The following CYP4X1 variants were observed in gnomAD, a reference collection of about 807,000 sequenced individuals.
The protein encoded by CYP4X1 is cytochrome P450 family 4 subfamily X member 1.
CYP4X1 carries 44 observed loss-of-function variants against 57.9 expected under a neutral mutation model. That is an observed-to-expected ratio of 0.76 (90% CI 0.60 to 0.98). The LOEUF (loss-of-function observed/expected upper bound fraction) is 0.98. CYP4X1 is among the 50% of genes least tolerant of loss of function. The pLI, the probability that CYP4X1 is intolerant of heterozygous loss-of-function variation, is 0.00. For missense variants in CYP4X1, 532 were observed against 623.9 expected (o/e 0.85, Z 1.57); for synonymous variants, 227 against 228.6 (o/e 0.99, Z 0.06).
chr1:46,987,227 C>T, the CYP4X1 span, among the ~76,000 whole-genome samples: 2 of 152,098 alleles, frequency 1.3e-5, no homozygotes, highest in African/African-American at 4.8e-5. Flanking sequence ...AAGCAGGGGT[C>T]ACAATCCTAG....
chr1:47,007,275 C>A, the CYP4X1 span, among the ~76,000 whole-genome samples: 1 of 152,182 alleles, frequency 6.6e-6, no homozygotes. Flanking sequence ...TCACCAACAT[C>A]CGCTGTTCTG....
chr1:46,981,059 A>G, the CYP4X1 span, among the ~76,000 whole-genome samples: 8 of 152,146 alleles, frequency 5.3e-5, no homozygotes, highest in Admixed American at 2.0e-4. Flanking sequence ...TACCATTCAG[A>G]ACATAGGCAC....
At chr1:46,979,307 C>G in the CYP4X1 span, among the ~76,000 whole-genome samples, 2 of 152,078 alleles carry the variant, frequency 1.3e-5, no homozygotes, top group Non-Finnish European at 2.9e-5. Flanking sequence ...ACCGCTGATC[C>G]CACAGAAATA....
chr1:46,980,977 T>C, the CYP4X1 span, among the ~76,000 whole-genome samples: 3 of 152,134 alleles, frequency 2.0e-5, no homozygotes, highest in African/African-American at 7.2e-5. Flanking sequence ...ATACAAAATT[T>C]AATTCAAGAT....
At chr1:47,048,833 G>A (rs1230714598) in intron 10 of CYP4X1, among the ~76,000 whole-genome samples, 1 of 152,160 alleles carries the variant, frequency 6.6e-6, no homozygotes, top group East Asian at 1.9e-4. Context: ...TTTCATGTAA[G>A]CCACTAAGGT....
chr1:47,049,680 C>G (rs953873695), intron 11 of CYP4X1, among the ~76,000 whole-genome samples, 176 bp downstream of exon 11: 5 of 152,148 alleles, frequency 3.3e-5, no homozygotes, highest in African/African-American at 1.2e-4. Context: ...CTGTCACATC[C>G]TTTTTGGCCA....
At chr1:46,978,167 A>G in the CYP4X1 span, among the ~76,000 whole-genome samples, 2 of 152,146 alleles carry the variant, frequency 1.3e-5, no homozygotes, top group African/African-American at 4.8e-5. Context: ...TCCAATTAAA[A>G]GACACAGACT....
chr1:46,980,873 T>A, the CYP4X1 span, among the ~76,000 whole-genome samples: 1 of 152,226 alleles, frequency 6.6e-6, no homozygotes, highest in East Asian at 1.9e-4. Context: ...AAGCAAGAAA[T>A]GGGGAAAGGA....
At chr1:47,020,418 CT>C (rs1643983506), upstream of CYP4X1, among the ~76,000 whole-genome samples, 1 of 152,210 alleles carries the variant, frequency 6.6e-6, no homozygotes, top group African/African-American at 2.4e-5. Context: ...AGCTACAAAA[CT>C]TTTTTCACAT....
upstream of CYP4X1, among the ~76,000 whole-genome samples, chr1:47,019,112 CTATGTG>C (rs767165286): frequency 2.6e-5 from 4 of 152,192 alleles, no homozygotes; most frequent in Non-Finnish European, 5.9e-5. Flanking sequence ...AGCTATATGT[CTATGTG>C]TAAGTGTGCA....
the CYP4X1 span, among the ~76,000 whole-genome samples, chr1:46,972,993 C>T: frequency 6.6e-6 from 1 of 152,136 alleles, no homozygotes; most frequent in South Asian, 2.1e-4. Context: ...TGAGAGTGGG[C>T]ATCCTTGTTT....
At chr1:47,016,410 T>C in the CYP4X1 span, among the ~76,000 whole-genome samples, 2 of 151,954 alleles carry the variant, frequency 1.3e-5, no homozygotes, top group Non-Finnish European at 2.9e-5. Context: ...GGCGCTATCT[T>C]GGCTCCCCAC....
chr1:46,985,776 G>A, the CYP4X1 span, among the ~76,000 whole-genome samples: 4 of 152,144 alleles, frequency 2.6e-5, no homozygotes, highest in African/African-American at 4.8e-5. Context: ...CAGCAGAGAC[G>A]CTTTACTGTT....
chr1:47,019,036 A>G (rs987925196), upstream of CYP4X1, among the ~76,000 whole-genome samples: 1 of 152,226 alleles, frequency 6.6e-6, no homozygotes, highest in African/African-American at 2.4e-5. Flanking sequence ...GGTTACAGGA[A>G]GAAAGCCTGG....
At chr1:46,964,293 TTCC>T in the CYP4X1 span, among the ~76,000 whole-genome samples, 1 of 152,244 alleles carries the variant, frequency 6.6e-6, no homozygotes, top group African/African-American at 2.4e-5. Context: ...AGAAGCTGCG[TTCC>T]TTTGGAGGAA....
At chr1:47,003,897 G>A in the CYP4X1 span, among the ~76,000 whole-genome samples, 34 of 152,138 alleles carry the variant, frequency 2.2e-4, no homozygotes, top group African/African-American at 1.2e-4. Flanking sequence ...TCCTTCTCAC[G>A]TTACAAAATA....
the CYP4X1 span, among the ~76,000 whole-genome samples, chr1:47,009,808 T>A: frequency 1.3e-5 from 2 of 152,230 alleles, no homozygotes; most frequent in Non-Finnish European, 2.9e-5. Flanking sequence ...CTAGAAGATC[T>A]AGAAGCAATG....
chr1:47,042,571 C>T (rs1415341943), intron 8 of CYP4X1, among the ~76,000 whole-genome samples: 1 of 152,036 alleles, frequency 6.6e-6, no homozygotes, highest in Non-Finnish European at 1.5e-5. Context: ...AAGCAGTATA[C>T]ACTGTACCCA....
downstream of CYP4X1, among the ~76,000 whole-genome samples, chr1:47,055,045 T>G (rs1481560904): frequency 6.6e-6 from 1 of 152,244 alleles, no homozygotes; most frequent in Non-Finnish European, 1.5e-5. Flanking sequence ...TGTAGGATAT[T>G]GGCTGTGGGT....
Sources: allele counts gnomAD v4.1 joint callset (sites outside exome capture counted in the v4.1 genomes callset), GRCh38; gene constraint gnomAD v4.1.1; transcripts MANE v1.5; gene names NCBI Gene and HGNC (gene_info 2026-07-23, HGNC 2026-07-21).